The following DDX60L variants were observed in gnomAD, a reference collection of about 807,000 sequenced individuals.
DDX60L encodes DExD/H-box 60 like.
DDX60L carries 191 observed loss-of-function variants against 211.6 expected under a neutral mutation model. The ratio of observed to expected loss-of-function variants is 0.90; its 90% CI spans 0.80 to 1.02. DDX60L has a LOEUF of 1.02. Ranked by LOEUF, DDX60L falls within the 50% of genes least tolerant of loss-of-function variation. The pLI is 0.00. For missense variants in DDX60L, 2,007 were observed against 1,984.1 expected (o/e 1.01, Z -0.22); for synonymous variants, 706 against 694.1 (o/e 1.02, Z -0.27).
intron 31 of DDX60L, 83 bp downstream of exon 31, chr4:168,379,643 A>C: frequency 1.6e-6 from 2 of 1,255,742 alleles, no homozygotes; most frequent in Non-Finnish European, 2.2e-6. Context: ...AATGCAGATT[A>C]TAGAAATTTC....
At chr4:168,423,544 T>C in intron 15 of DDX60L, 64 bp downstream of exon 15, 1 of 1,122,654 alleles carries the variant, frequency 8.9e-7, no homozygotes, top group Non-Finnish European at 1.3e-6. Flanking sequence ...TTAGACCTAT[T>C]AGTTATTCTT....
chr4:168,427,240 T>G lies in DDX60L; in HGVS notation c.1760A>C (p.Asp587Ala). Residue 587 changes from aspartate (D) to alanine (A), a missense_variant, in exon 14 of 38, where the codon GAT (aspartate) becomes GCT (alanine). Transcript: ENST00000682922. ...KEDQNKAQQN[D>A]DLLFSIEEEM... ...CTCTTCAATAGAAAACAGCAGATCA[T>G]CGTTTTGCTGAGCTTTGTTCTGATC... 6.2e-7 allele frequency: 1 copy of G among 1,613,814 alleles called. No homozygotes were observed. The highest frequency in any genetic ancestry group is 8.5e-7 in the Non-Finnish European group (1 of 1,179,786).
intron 4 of DDX60L, among the ~76,000 whole-genome samples, chr4:168,466,165 T>G (rs975248543): frequency 6.7e-6 from 1 of 149,598 alleles, no homozygotes; most frequent in Non-Finnish European, 1.5e-5. Flanking sequence ...GAAAAAAGAG[T>G]AAGGAAAATC....
intron 4 of DDX60L, chr4:168,469,281 A>G (rs1211988814): frequency 6.6e-6 from 1 of 152,124 alleles, no homozygotes; most frequent in Non-Finnish European, 1.5e-5. Flanking sequence ...TTTTTGATGA[A>G]GAAACCAAAG....
intron 13 of DDX60L, 69 bp from the exon 14 acceptor site, chr4:168,427,391 T>C (rs1045812561): frequency 1.3e-6 from 2 of 1,522,348 alleles, no homozygotes; most frequent in African/African-American, 2.8e-5. Context: ...ACTAGTGAGA[T>C]TATTTTTTGT....
intron 22 of DDX60L, among the ~76,000 whole-genome samples, chr4:168,414,015 G>C (rs1358221730): frequency 1.3e-5 from 2 of 152,116 alleles, no homozygotes; most frequent in African/African-American, 2.4e-5. Flanking sequence ...ACACAATGGT[G>C]CTCCTATATG....
chr4:168,467,520 A>G (rs1413332832), intron 4 of DDX60L, among the ~76,000 whole-genome samples: 2 of 152,106 alleles, frequency 1.3e-5, no homozygotes, highest in East Asian at 3.9e-4. Flanking sequence ...ATAAGAGGAA[A>G]ATAAGAGAAT....
rs767843381 is a variant in DDX60L, at chr4:168,391,458, C to T, written c.3915+82G>A. 1.8e-4 allele frequency: 163 copies of T among 897,796 alleles called. 1 individual carries two copies. Among genetic ancestry groups the T allele is most frequent in the Non-Finnish European group, 2.7e-4 (152 of 553,506 alleles). The allele number at this position is 897,796 out of a possible 1,614,324, so 55.6% of individuals were successfully genotyped here. ...TAAAAGGAAGGACACAAACCGTAGC[C>T]TGTTACCAGATGTGAGTGCCACATG... On this transcript the variant is annotated intron_variant, in intron 29 of 37. Transcript: ENST00000682922.
At chr4:168,433,218 A>T in intron 10 of DDX60L, 103 bp from the exon 11 acceptor site, 1 of 782,592 alleles carries the variant, frequency 1.3e-6, no homozygotes, top group Non-Finnish European at 2.0e-6. Context: ...TTTTACATAA[A>T]TTTTACTAAT....
At chr4:168,468,170 T>TAATAAATAAATAAATA (rs74385831) in intron 4 of DDX60L, among the ~76,000 whole-genome samples, 34,996 of 149,846 alleles carry the variant, frequency 0.23, 5,359 homozygotes, top group East Asian at 0.53. Flanking sequence ...CCATCTCAAA[T>TAATAAATAAATAAATA]AATAAATAAA....
At chr4:168,389,610 C>T (rs906150650) in intron 29 of DDX60L, among the ~76,000 whole-genome samples, 4 of 152,108 alleles carry the variant, frequency 2.6e-5, no homozygotes, top group Non-Finnish European at 4.4e-5. Flanking sequence ...GAAGTCAGTT[C>T]CTGGGAAACC....
intron 8 of DDX60L, among the ~76,000 whole-genome samples, chr4:168,449,652 C>CAAAAAAAAAAAAAAAAAAAAAAAAAAAAA: frequency 1.3e-4 from 1 of 7,934 alleles, no homozygotes; most frequent in Non-Finnish European, 2.3e-4. Flanking sequence ...AAAAAAAATG[C>CAAAAAAAAAAAAAAAAAAAAAAAAAAAAA]AAAAAAAAAA....
At chr4:168,400,484 T>C (rs1241257742) in intron 26 of DDX60L, among the ~76,000 whole-genome samples, 2 of 152,086 alleles carry the variant, frequency 1.3e-5, no homozygotes, top group East Asian at 1.9e-4. Flanking sequence ...CTCCCACCAA[T>C]AGTGAATAAG....
intron 1 of DDX60L, among the ~76,000 whole-genome samples, chr4:168,477,164 C>T (rs1422005380): frequency 6.6e-6 from 1 of 152,098 alleles, no homozygotes; most frequent in East Asian, 1.9e-4. Flanking sequence ...GTCTGTAATC[C>T]CAGCACTTTG....
intron 22 of DDX60L, among the ~76,000 whole-genome samples, chr4:168,412,278 C>A (rs930339317): frequency 3.9e-5 from 6 of 152,016 alleles, no homozygotes; most frequent in African/African-American, 1.4e-4. Flanking sequence ...GAGCACTGAG[C>A]AGGCTCTTGG....
At position 168,415,674 on chromosome 4, in the gene DDX60L, G is replaced by A; in HGVS notation, c.2852C>T (p.Ser951Leu). Reference sequence around the variant, plus strand: ...AAGCTTACCAAGTCTAACTTCATATGATTGATTTTTATATGAATGGTCTTG... The same window carrying A: ...AAGCTTACCAAGTCTAACTTCATATAATTGATTTTTATATGAATGGTCTTG... ...FLQDHSYKNQ[S>L]YEVRLVLCGE... is the part of the protein sequence containing the mutation. The change falls in exon 21 of 38, where the codon TCA becomes TTA. Residue 951 changes from serine to leucine, a missense_variant. Transcript: ENST00000682922. 1 of 1,591,452 alleles carries A rather than the reference G, an allele frequency of 6.3e-7. No individual in the cohort carries two copies.
At position 168,375,414 on chromosome 4, in the gene DDX60L, G is replaced by T. The variant is rs1200058668; in HGVS notation, c.4596C>A (p.Asn1532Lys). ...AAGGGAGTTGATGCTCTTTTTTCAT[G>T]TTCACCGACTTGGAAGCAATCAGCA... The part of the protein sequence containing the change: ...SFLLIASKSV[N>K]MKKEHQLPLS... Residue 1532 changes from asparagine to lysine, a missense_variant, in exon 34 of 38, where the codon AAC becomes AAA. Asn to Lys is a moderately conservative substitution (Grantham distance 94). Transcript: ENST00000682922. 4 of 1,612,406 alleles carry T rather than the reference G, an allele frequency of 2.5e-6. No homozygotes were observed. In the African/African-American group the frequency reaches 5.3e-5, roughly 22 times the overall value.
intron 28 of DDX60L, among the ~76,000 whole-genome samples, chr4:168,393,302 C>T (rs753209404): frequency 3.3e-5 from 5 of 151,862 alleles, no homozygotes; most frequent in Admixed American, 6.6e-5. Flanking sequence ...TTGAGACCAG[C>T]GTGGCCAACA....
At chr4:168,438,613 C>T (rs1213382714) in intron 10 of DDX60L, among the ~76,000 whole-genome samples, 2 of 152,200 alleles carry the variant, frequency 1.3e-5, no homozygotes, top group Non-Finnish European at 2.9e-5. Context: ...TGATTTCAGA[C>T]ATTAACCTCC....
Sources: allele counts gnomAD v4.1 joint callset (sites outside exome capture counted in the v4.1 genomes callset), GRCh38; gene constraint gnomAD v4.1.1; transcripts MANE v1.5; gene names NCBI Gene and HGNC (gene_info 2026-07-23, HGNC 2026-07-21).